The following PDE4D variants were observed in gnomAD, a reference collection of about 807,000 sequenced individuals.
The protein encoded by PDE4D is 3',5'-cyclic-AMP phosphodiesterase 4D.
PDE4D carries 24 observed loss-of-function variants against 87.4 expected under a neutral mutation model. That is an observed-to-expected ratio of 0.27 (90% CI 0.20 to 0.39). The LOEUF is 0.39. Ranked by LOEUF, PDE4D falls within the 10% of genes least tolerant of loss-of-function variation. The probability of loss-of-function intolerance (pLI) is 1.00; values close to 1 mark genes in which losing one functional copy is unlikely to be tolerated. For synonymous variants in PDE4D, 384 were observed against 383.2 expected (o/e 1.00, Z -0.02); for missense variants, 714 against 1,041.0 (o/e 0.69, Z 4.32).
intron 2 of PDE4D, among the ~76,000 whole-genome samples, chr5:60,004,769 C>G (rs571918598): frequency 5.3e-4 from 81 of 152,152 alleles, no homozygotes; most frequent in Middle Eastern, 6.8e-3. Flanking sequence ...AACCACAATG[C>G]GGTATCTTCT....
intron 1 of PDE4D, among the ~76,000 whole-genome samples, chr5:59,224,122 CAAAAAAAAAAA>C (rs762239197): frequency 1.8e-4 from 4 of 21,860 alleles, no homozygotes; most frequent in African/African-American, 5.2e-4. Context: ...CCTGTTTCTA[CAAAAAAAAAAA>C]AAAAAAAAAA....
intron 1 of PDE4D, among the ~76,000 whole-genome samples, chr5:59,813,626 T>A (rs1258939077): frequency 2.0e-5 from 3 of 152,218 alleles, no homozygotes; most frequent in Non-Finnish European, 2.9e-5. Context: ...TTTTCCTTTT[T>A]TCTTATAATG....
At chr5:59,404,153 A>T (rs1259119587) in intron 1 of PDE4D, among the ~76,000 whole-genome samples, 1 of 152,160 alleles carries the variant, frequency 6.6e-6, no homozygotes, top group Non-Finnish European at 1.5e-5. Flanking sequence ...TTGGATTATC[A>T]GATTTTTTTT....
intron 1 of PDE4D, among the ~76,000 whole-genome samples, chr5:59,378,752 C>T (rs1785184526): frequency 6.6e-6 from 1 of 152,176 alleles, no homozygotes; most frequent in Non-Finnish European, 1.5e-5. Flanking sequence ...ATTGCTGTCA[C>T]ATTTTTGCCC....
At chr5:59,499,880 TCA>T (rs1491407072) in intron 1 of PDE4D, among the ~76,000 whole-genome samples, 3 of 110,302 alleles carry the variant, frequency 2.7e-5, no homozygotes, top group African/African-American at 1.4e-4. Flanking sequence ...CTGAAAGTAT[TCA>T]AAAAAAAAAA....
At chr5:59,575,104 GC>G (rs1822910460) in intron 1 of PDE4D, among the ~76,000 whole-genome samples, 1 of 152,158 alleles carries the variant, frequency 6.6e-6, no homozygotes, top group South Asian at 2.1e-4. Context: ...ATGAGGCAGA[GC>G]TTTATGCTGT....
intron 1 of PDE4D, among the ~76,000 whole-genome samples, chr5:59,573,997 C>CAAAAAAAA (rs11437091): frequency 2.3e-5 from 2 of 87,018 alleles, no homozygotes; most frequent in African/African-American, 1.2e-4. Context: ...GACTCTGTCT[C>CAAAAAAAA]AAAAAAAAAT....
chr5:60,325,443 G>A (rs1315534091), intron 1 of PDE4D, among the ~76,000 whole-genome samples: 1 of 152,182 alleles, frequency 6.6e-6, no homozygotes, highest in African/African-American at 2.4e-5. Context: ...CTTTGTAGAT[G>A]TCTTTGATGA....
intron 1 of PDE4D, among the ~76,000 whole-genome samples, chr5:60,391,424 T>A (rs1253381791): frequency 6.6e-6 from 1 of 152,230 alleles, no homozygotes; most frequent in African/African-American, 2.4e-5. Context: ...AGAAGTCCTA[T>A]GAGTCTCAGT....
chr5:59,552,641 A>C (rs1818314043), intron 1 of PDE4D, among the ~76,000 whole-genome samples: 1 of 152,176 alleles, frequency 6.6e-6, no homozygotes, highest in African/African-American at 2.4e-5. Flanking sequence ...ACTAACAACA[A>C]ATGGATATTA....
At chr5:59,720,934 T>C (rs1299383478) in intron 1 of PDE4D, among the ~76,000 whole-genome samples, 1 of 152,160 alleles carries the variant, frequency 6.6e-6, no homozygotes, top group Non-Finnish European at 1.5e-5. Context: ...TCTATACAAA[T>C]GTAGATTTCC....
intron 1 of PDE4D, among the ~76,000 whole-genome samples, chr5:59,875,482 A>AAAG (rs1748448446): frequency 6.6e-6 from 1 of 150,472 alleles, no homozygotes; most frequent in Non-Finnish European, 1.5e-5. Context: ...AAAAAAAAAA[A>AAAG]AAAAAAAAGA....
At chr5:59,667,379 A>C (rs540948398) in intron 1 of PDE4D, among the ~76,000 whole-genome samples, 35 of 152,140 alleles carry the variant, frequency 2.3e-4, no homozygotes, top group African/African-American at 8.0e-4. Flanking sequence ...TGGTGGGATC[A>C]TGGCTCACTG....
chr5:59,685,344 T>C (rs893167206), intron 1 of PDE4D, among the ~76,000 whole-genome samples: 1 of 152,206 alleles, frequency 6.6e-6, no homozygotes, highest in Non-Finnish European at 1.5e-5. Context: ...TCTGTGGTGA[T>C]AGATTACAGC....
rs1743018666 is a variant in PDE4D, at chr5:58,973,619, T to TCAGA, written c.*1041_*1044dup. ...GGTATTTATATATCTCCCACTTGCT[T>TCAGA]CAGACAACACGAACTGATGACTGAG... is the stretch of plus-strand genomic sequence containing the variant. On this transcript the variant is annotated 3_prime_UTR_variant, in exon 15 of 15. Transcript: ENST00000340635. The TCAGA allele has an allele frequency of 6.6e-6, 1 of 152,620 alleles. No individual in the cohort carries two copies. The highest frequency in any genetic ancestry group is 2.4e-5 in the African/African-American group (1 of 41,454). The allele number at this position is 152,620 out of a possible 1,614,324, so 9.5% of individuals were successfully genotyped here.
At chr5:60,275,125 T>C (rs1279435324) in intron 1 of PDE4D, among the ~76,000 whole-genome samples, 1 of 152,200 alleles carries the variant, frequency 6.6e-6, no homozygotes, top group Admixed American at 6.5e-5. Flanking sequence ...AGGCTAATAC[T>C]GTATTTTGAG....
intron 1 of PDE4D, among the ~76,000 whole-genome samples, chr5:59,607,475 C>T (rs369866276): frequency 5.9e-5 from 9 of 152,180 alleles, no homozygotes; most frequent in Admixed American, 5.9e-4. Flanking sequence ...TATTAGATTG[C>T]TATTAACTTG....
chr5:60,344,816 C>A (rs1158919749), intron 1 of PDE4D, among the ~76,000 whole-genome samples: 1 of 151,948 alleles, frequency 6.6e-6, no homozygotes, highest in Non-Finnish European at 1.5e-5. Flanking sequence ...AAATTCCAAC[C>A]GCATTTTGAC....
intron 1 of PDE4D, among the ~76,000 whole-genome samples, chr5:59,441,557 C>T (rs186639983): frequency 1.6e-4 from 24 of 152,310 alleles, no homozygotes; most frequent in African/African-American, 2.4e-4. Context: ...ACTGATTGCT[C>T]CTTGTTGATT....
Sources: gnomAD v4.1 joint callset for allele counts (sites outside exome capture counted in the v4.1 genomes callset) on GRCh38, gnomAD v4.1.1 for gene constraint, MANE v1.5 for transcripts, NCBI Gene and HGNC (gene_info 2026-07-23, HGNC 2026-07-21) for gene names.